The following CADPS variants were observed in gnomAD, a reference collection of about 807,000 sequenced individuals.
CADPS encodes calcium-dependent secretion activator 1.
In CADPS, 57 loss-of-function variants were observed where a neutral mutation model predicts 167.3. The ratio of observed to expected loss-of-function variants is 0.34; its 90% CI spans 0.28 to 0.42. The LOEUF (loss-of-function observed/expected upper bound fraction) is 0.42, where lower values mean the gene tolerates loss of function less well. Ranked by LOEUF, CADPS falls within the 20% of genes least tolerant of loss-of-function variation. The pLI is 1.00. For synonymous variants in CADPS, 676 were observed against 635.3 expected (o/e 1.06, Z -0.96); for missense variants, 1,414 against 1,738.1 (o/e 0.81, Z 3.32).
intron 27 of CADPS, among the ~76,000 whole-genome samples, chr3:62,442,008 G>T (rs895943867): frequency 5.3e-5 from 8 of 152,122 alleles, no homozygotes; most frequent in Non-Finnish European, 8.8e-5. Context: ...ATCTCTGGAG[G>T]TGAGGGCCTG....
At chr3:62,735,296 A>T (rs1381159140) in intron 3 of CADPS, among the ~76,000 whole-genome samples, 1 of 152,148 alleles carries the variant, frequency 6.6e-6, no homozygotes, top group South Asian at 2.1e-4. Context: ...ACTACTATAG[A>T]TCTGTTAAGT....
intron 9 of CADPS, among the ~76,000 whole-genome samples, chr3:62,568,252 G>A (rs367773152): frequency 1.3e-5 from 2 of 152,336 alleles, no homozygotes; most frequent in South Asian, 4.1e-4. Flanking sequence ...TAGATGGCTG[G>A]TGGAGTACTG....
At chr3:62,692,689 G>T (rs141315644) in intron 3 of CADPS, among the ~76,000 whole-genome samples, 79 of 152,100 alleles carry the variant, frequency 5.2e-4, no homozygotes, top group African/African-American at 1.8e-3. Context: ...TGCCAAGATG[G>T]TAACAATACC....
At position 62,759,070 on chromosome 3, in the gene CADPS, G is replaced by A. The variant is rs537482625; in HGVS notation, c.556-5297C>T. ...ACACCTCGTTGCTATTAATAAATGG[G>A]CACATAAATAATGAAAGGGGTAGAC... On this transcript the variant is annotated intron_variant, in intron 2 of 29. Transcript: ENST00000383710. Among the ~76,000 whole-genome samples the A allele has an allele frequency of 2.0e-5, 3 of 152,300 alleles. No homozygotes were observed. The Middle Eastern group carries it at 0.01, about 518-fold the overall frequency.
At chr3:62,502,401 C>G (rs2065915351) in intron 17 of CADPS, among the ~76,000 whole-genome samples, 1 of 151,600 alleles carries the variant, frequency 6.6e-6, no homozygotes, top group African/African-American at 2.4e-5. Context: ...TAAAATGGAA[C>G]TAAAAATATA....
chr3:62,429,126 T>C (rs1338786313), intron 28 of CADPS, among the ~76,000 whole-genome samples: 4 of 152,242 alleles, frequency 2.6e-5, no homozygotes, highest in South Asian at 2.1e-4. Flanking sequence ...TTATAAACTT[T>C]TGTTTCGTGT....
In CADPS at chr3:62,602,415, G is replaced by C. The variant is rs2060103057; in HGVS notation, c.1326-9667C>G. Among the ~76,000 whole-genome samples the C allele has an allele frequency of 6.6e-6, 1 of 152,070 alleles. No homozygotes were observed. Among genetic ancestry groups the C allele is most frequent in the Non-Finnish European group, 1.5e-5 (1 of 68,026 alleles). On this transcript the variant is annotated intron_variant, in intron 6 of 29. Coordinates refer to ENST00000383710, the MANE Select transcript of CADPS (RefSeq NM_003716.4). The surrounding 1 kb of genome is among the most constrained non-coding windows in gnomAD (Gnocchi z 4.4). ...TGGTGCGGTTCATAAAATTAACTGT[G>C]GGCTTTAACAAGAGAGAAGTGTCAT... is the stretch of plus-strand genomic sequence containing the variant.
At chr3:62,566,299 T>C (rs1240450026) in intron 9 of CADPS, among the ~76,000 whole-genome samples, 1 of 152,240 alleles carries the variant, frequency 6.6e-6, no homozygotes, top group Admixed American at 6.5e-5. Context: ...GTTTGCATTT[T>C]GAGTTTCAAA....
At chr3:62,502,149 GT>G (rs2065872335) in intron 17 of CADPS, among the ~76,000 whole-genome samples, 1 of 152,180 alleles carries the variant, frequency 6.6e-6, no homozygotes, top group African/African-American at 2.4e-5. Context: ...TTTCCTGTTT[GT>G]TTGCATAGCT....
chr3:62,471,932 A>C (rs534699944), intron 24 of CADPS, among the ~76,000 whole-genome samples: 1 of 152,350 alleles, frequency 6.6e-6, no homozygotes, highest in East Asian at 1.9e-4. Flanking sequence ...ACAACTCAAT[A>C]ATAAAAAGAC....
rs142732574 is a variant in CADPS, at chr3:62,562,022, T to G, written c.1645-4509A>C. On this transcript the variant is annotated intron_variant, in intron 9 of 29. Coordinates refer to ENST00000383710, the MANE Select transcript of CADPS (RefSeq NM_003716.4). ...GTGATTCCTGCCCTCATGTCTAGCATGAAGGTAGACATTAATCCCATGATT... is the reference window on the plus strand; with the variant it reads ...GTGATTCCTGCCCTCATGTCTAGCAGGAAGGTAGACATTAATCCCATGATT... 1.3e-3 allele frequency among the ~76,000 whole-genome samples: 204 copies of G among 152,280 alleles called. 2 individuals carry two copies. The South Asian group carries it at 0.026, about 19-fold the overall frequency.
intron 1 of CADPS, among the ~76,000 whole-genome samples, chr3:62,858,894 A>G (rs2080215054): frequency 6.6e-6 from 1 of 152,184 alleles, no homozygotes; most frequent in African/African-American, 2.4e-5. Flanking sequence ...CTTTGTTGCT[A>G]TCATATTTAT....
Position 62,478,267 on chromosome 3 carries a change from A to G in CADPS, c.3323T>C (p.Val1108Ala). The change falls in exon 23 of 30, where the codon GTC becomes GCC. Residue 1108 changes from valine to alanine, a missense_variant. Physicochemically the swap from Val to Ala is moderately conservative, Grantham distance 64. Transcript: ENST00000383710. The surrounding 1 kb of genome is among the most constrained non-coding windows in gnomAD (Gnocchi z 5.7). ...LMASDMIESC[V>A]KRTRIAFEVK... ...TCCAGCCACCTATACTTACCTTTTG[A>G]CACAAGATTCGATCATGTCACTTGC... is the stretch of plus-strand genomic sequence containing the variant. 1.2e-6 allele frequency: 2 copies of G among 1,613,664 alleles called. No individual in the cohort carries two copies. Among genetic ancestry groups the G allele is most frequent in the Non-Finnish European group, 1.7e-6 (2 of 1,179,786 alleles).
At chr3:62,801,546 T>C (rs999696890) in intron 1 of CADPS, among the ~76,000 whole-genome samples, 7 of 152,196 alleles carry the variant, frequency 4.6e-5, no homozygotes, top group African/African-American at 1.7e-4. Context: ...TGTTGTGCTG[T>C]GGCTATCAGG....
chr3:62,628,152 G>A (rs894112990), intron 6 of CADPS, among the ~76,000 whole-genome samples: 3 of 152,186 alleles, frequency 2.0e-5, no homozygotes, highest in African/African-American at 7.2e-5. Flanking sequence ...CCAGATTGGA[G>A]AGAAACACTC....
At chr3:62,484,015 T>C (rs139077252) in intron 21 of CADPS, among the ~76,000 whole-genome samples, 13 of 152,246 alleles carry the variant, frequency 8.5e-5, no homozygotes, top group African/African-American at 3.1e-4. Context: ...GGGTGGCGGG[T>C]ACACAAATTA....
intron 3 of CADPS, among the ~76,000 whole-genome samples, chr3:62,676,666 TG>T (rs1580226580): frequency 6.6e-6 from 1 of 152,152 alleles, no homozygotes; most frequent in Non-Finnish European, 1.5e-5. Context: ...GCAGGCGTTT[TG>T]GTGACATTTC....
At chr3:62,847,404 A>C (rs1322231843) in intron 1 of CADPS, among the ~76,000 whole-genome samples, 5 of 72,176 alleles carry the variant, frequency 6.9e-5, no homozygotes, top group Admixed American at 2.8e-4. Flanking sequence ...CATTAGGTAT[A>C]TCTCCCAATG....
At position 62,592,625 on chromosome 3, in the gene CADPS, A is replaced by G. The variant is rs1300010066; in HGVS notation, c.1437+12T>C. 1 of 1,603,002 alleles carries G rather than the reference A, an allele frequency of 6.2e-7. No homozygotes were observed. Among genetic ancestry groups the G allele is most frequent in the African/African-American group, 1.3e-5 (1 of 74,804 alleles). The stretch of plus-strand genomic sequence containing the variant: ...TCTCTGTGGAGTTCCCCTTGTGATA[A>G]GAAGTGCTTACCCGCCCAAGCTCCT... On this transcript the variant is annotated intron_variant, in intron 7 of 29. Coordinates refer to ENST00000383710, the MANE Select transcript of CADPS (RefSeq NM_003716.4).
Sources: gnomAD v4.1 joint callset for allele counts (sites outside exome capture counted in the v4.1 genomes callset) on GRCh38, gnomAD v4.1.1 for gene constraint, Gnocchi (gnomAD v3.1) non-coding constraint, MANE v1.5 for transcripts, NCBI Gene and HGNC (gene_info 2026-07-23, HGNC 2026-07-21) for gene names.